The following CNTN4 variants were observed in gnomAD, a reference collection of about 807,000 sequenced individuals.
CNTN4 encodes contactin-4.
Under a neutral mutation model 122.5 loss-of-function variants are expected in CNTN4, and 77 were observed. That is an observed-to-expected ratio of 0.63 (90% CI 0.52 to 0.76). CNTN4 has a LOEUF of 0.76. CNTN4 is among the 30% of genes least tolerant of loss of function. The pLI, the probability that CNTN4 is intolerant of heterozygous loss-of-function variation, is 0.00. For missense variants in CNTN4, 1,256 were observed against 1,259.1 expected, an observed-to-expected ratio of 1.00 and a Z score of 0.04; for synonymous variants, 512 against 447.0, an observed-to-expected ratio of 1.15 and a Z score of -1.83.
At chr3:2,625,132 T>C (rs1208194458) in intron 4 of CNTN4, among the ~76,000 whole-genome samples, 2 of 152,124 alleles carry the variant, frequency 1.3e-5, no homozygotes. Flanking sequence ...TAATTGCCAG[T>C]ATTGTTTTCA....
chr3:2,502,245 C>G (rs2076614306), intron 3 of CNTN4, among the ~76,000 whole-genome samples: 1 of 152,136 alleles, frequency 6.6e-6, no homozygotes, highest in Non-Finnish European at 1.5e-5. Flanking sequence ...TTTAGAGATA[C>G]TCCACTTCTT....
At chr3:2,786,063 G>C (rs1340126572) in intron 6 of CNTN4, among the ~76,000 whole-genome samples, 1 of 152,038 alleles carries the variant, frequency 6.6e-6, no homozygotes, top group African/African-American at 2.4e-5. Flanking sequence ...TGGTTAGAGA[G>C]GAGTTTGTCA....
chr3:2,222,913 T>C (rs1036016830), intron 2 of CNTN4, among the ~76,000 whole-genome samples: 1 of 152,150 alleles, frequency 6.6e-6, no homozygotes, highest in Non-Finnish European at 1.5e-5. Flanking sequence ...CCCCAACCCC[T>C]AAAAGCCACT....
At chr3:2,418,572 C>T (rs2047503003) in intron 3 of CNTN4, among the ~76,000 whole-genome samples, 1 of 152,074 alleles carries the variant, frequency 6.6e-6, no homozygotes, top group Admixed American at 6.6e-5. Flanking sequence ...CAGCATAAGG[C>T]TGTAATTTGG....
chr3:2,970,685 A>G (rs542306700), intron 13 of CNTN4, among the ~76,000 whole-genome samples: 1 of 152,114 alleles, frequency 6.6e-6, no homozygotes, highest in African/African-American at 2.4e-5. Context: ...GGCTCAACTA[A>G]TCCACCCACC....
chr3:2,950,525 T>G (rs539242470), intron 13 of CNTN4, among the ~76,000 whole-genome samples: 66 of 152,336 alleles, frequency 4.3e-4, no homozygotes, highest in African/African-American at 1.6e-3. Context: ...TGAGGTTATT[T>G]GCTTACCTCT....
chr3:2,273,606 C>A (rs955650571), intron 2 of CNTN4, among the ~76,000 whole-genome samples: 1 of 152,140 alleles, frequency 6.6e-6, no homozygotes, highest in Non-Finnish European at 1.5e-5. Flanking sequence ...CTTGAATATT[C>A]AAGTTTGTTT....
At chr3:2,927,297 G>C (rs1343515507) in intron 13 of CNTN4, 3 of 455,984 alleles carry the variant, frequency 6.6e-6, no homozygotes, top group Admixed American at 4.7e-5. Context: ...TTTGCACCTA[G>C]TGTACATCAG....
chr3:2,923,284 TATC>T (rs1044177369), intron 12 of CNTN4, among the ~76,000 whole-genome samples: 10 of 151,700 alleles, frequency 6.6e-5, no homozygotes, highest in African/African-American at 2.4e-4. Flanking sequence ...TTTCACAAAA[TATC>T]ATTTAAAAAA....
At chr3:2,766,027 C>G (rs2090842207) in intron 6 of CNTN4, among the ~76,000 whole-genome samples, 1 of 152,160 alleles carries the variant, frequency 6.6e-6, no homozygotes, top group Non-Finnish European at 1.5e-5. Flanking sequence ...ATGAATCCTA[C>G]TTTATGATGG....
chr3:2,373,759 A>T (rs2045718129), intron 3 of CNTN4, among the ~76,000 whole-genome samples: 1 of 152,212 alleles, frequency 6.6e-6, no homozygotes, highest in Non-Finnish European at 1.5e-5. Context: ...GATACTGTGC[A>T]GATACAGTAT....
At chr3:2,161,806 G>T (rs955350794) in intron 2 of CNTN4, among the ~76,000 whole-genome samples, 10 of 152,170 alleles carry the variant, frequency 6.6e-5, no homozygotes, top group African/African-American at 9.7e-5. Context: ...GTGTATGTTA[G>T]AGTTGAGGAA....
At chr3:3,018,244 T>C (rs1284376227) in intron 14 of CNTN4, among the ~76,000 whole-genome samples, 1 of 152,238 alleles carries the variant, frequency 6.6e-6, no homozygotes, top group African/African-American at 2.4e-5. Flanking sequence ...CTCCCTGGTG[T>C]GAAATGCAGA....
chr3:2,324,658 C>T (rs962473605), intron 2 of CNTN4, among the ~76,000 whole-genome samples: 3 of 152,096 alleles, frequency 2.0e-5, no homozygotes, highest in African/African-American at 7.2e-5. Flanking sequence ...GAACCCTGAG[C>T]CTACCCCAAA....
At chr3:2,245,012 G>A (rs746071752) in intron 2 of CNTN4, among the ~76,000 whole-genome samples, 6 of 151,856 alleles carry the variant, frequency 4.0e-5, no homozygotes, top group African/African-American at 9.7e-5. Context: ...TCATTCTAAC[G>A]TCAAATAAAC....
intron 2 of CNTN4, among the ~76,000 whole-genome samples, chr3:2,270,931 C>G (rs924771269): frequency 2.0e-5 from 3 of 152,118 alleles, no homozygotes; most frequent in Non-Finnish European, 4.4e-5. Context: ...TCAGTTGGTA[C>G]CTGTTCCCTC....
intron 13 of CNTN4, among the ~76,000 whole-genome samples, chr3:2,950,950 T>A (rs1236658830): frequency 1.3e-5 from 2 of 152,238 alleles, no homozygotes. Flanking sequence ...TGACACATAA[T>A]GGACATTAAA....
intron 2 of CNTN4, among the ~76,000 whole-genome samples, chr3:2,327,826 A>G (rs1386701753): frequency 6.6e-6 from 1 of 152,156 alleles, no homozygotes; most frequent in African/African-American, 2.4e-5. Flanking sequence ...CCTGTTTCAT[A>G]TATAGGTGAC....
chr3:2,981,360 C>T lies in CNTN4; in HGVS notation c.1359-6985C>T, dbSNP rs371536998. On this transcript the variant is annotated intron_variant, in intron 13 of 24. Coordinates refer to ENST00000418658, the MANE Select transcript of CNTN4 (RefSeq NM_175607.3). ...TCGGGAGGCTGAGGCGGGAGAATGG[C>T]GTGAACCCAGGAGTTGGAGCTTGCA... Among the ~76,000 whole-genome samples, 103 of 151,104 alleles carry T rather than the reference C, an allele frequency of 6.8e-4. 1 individual carries two copies. In the South Asian group the frequency reaches 9.8e-3, roughly 14 times the overall value.
Sources: allele counts gnomAD v4.1 joint callset (sites outside exome capture counted in the v4.1 genomes callset), GRCh38; gene constraint gnomAD v4.1.1; transcripts MANE v1.5; gene names NCBI Gene and HGNC (gene_info 2026-07-23, HGNC 2026-07-21).